Variants in MVB12B observed in about 807,000 individuals in gnomAD.
MVB12B encodes the protein multivesicular body subunit 12B.
MVB12B carries 16 observed loss-of-function variants against 41.6 expected under a neutral mutation model. The ratio of observed to expected loss-of-function variants is 0.38; its 90% confidence interval spans 0.26 to 0.58. The LOEUF is 0.58. MVB12B is among the 20% of genes least tolerant of loss of function. MVB12B has a pLI of 0.62. For missense variants in MVB12B, 274 were observed against 380.2 expected, an observed-to-expected ratio of 0.72 and a Z score of 2.32; for synonymous variants, 133 against 139.7, an observed-to-expected ratio of 0.95 and a Z score of 0.34.
rs1284102760 is a variant in MVB12B, at chr9:126,374,524, G to C, written c.205-6540G>C. Among the ~76,000 whole-genome samples the C allele has an allele frequency of 3.9e-5, 6 of 152,310 alleles. No individual in the cohort carries two copies. The East Asian group carries it at 9.7e-4, about 25-fold the overall frequency. ...AGCTAGAGAAAGCAATCAGAGACCTGGGCTATGTGAGACAGGGGTGGGGGC... is the reference window on the plus strand; with the variant it reads ...AGCTAGAGAAAGCAATCAGAGACCTCGGCTATGTGAGACAGGGGTGGGGGC... On this transcript the variant is annotated intron_variant, in intron 2 of 9. Transcript: ENST00000361171.
At chr9:126,359,487 T>C (rs1054108173) in intron 2 of MVB12B, among the ~76,000 whole-genome samples, 1 of 152,222 alleles carries the variant, frequency 6.6e-6, no homozygotes, top group Non-Finnish European at 1.5e-5. Context: ...TATTATTTAT[T>C]CTGTAAATAT....
chr9:126,491,451 C>T (rs369850859), intron 9 of MVB12B, among the ~76,000 whole-genome samples: 1 of 152,144 alleles, frequency 6.6e-6, no homozygotes, highest in East Asian at 1.9e-4. Flanking sequence ...CGAACTGGTG[C>T]AGCCTGAAAA....
chr9:126,500,387 C>T (rs1588216884), intron 9 of MVB12B, among the ~76,000 whole-genome samples: 2 of 152,148 alleles, frequency 1.3e-5, no homozygotes, highest in Admixed American at 1.3e-4. Flanking sequence ...CCCACCCCCT[C>T]CCCCAACCAG....
intron 9 of MVB12B, among the ~76,000 whole-genome samples, chr9:126,487,795 G>A (rs1833651758): frequency 6.6e-6 from 1 of 151,674 alleles, no homozygotes; most frequent in South Asian, 2.1e-4. Context: ...AACAAAACAG[G>A]TCTGTATTTG....
intron 9 of MVB12B, among the ~76,000 whole-genome samples, chr9:126,498,095 A>G (rs1833876269): frequency 6.6e-6 from 1 of 152,112 alleles, no homozygotes; most frequent in Non-Finnish European, 1.5e-5. Context: ...CTCCTCCCGC[A>G]GCGTTTCAGA....
At chr9:126,374,442 C>A (rs1457118117) in intron 2 of MVB12B, among the ~76,000 whole-genome samples, 1 of 152,228 alleles carries the variant, frequency 6.6e-6, no homozygotes, top group African/African-American at 2.4e-5. Context: ...GCTTCCTGAA[C>A]GCACATCATC....
intron 2 of MVB12B, among the ~76,000 whole-genome samples, chr9:126,365,765 T>C (rs1830162916): frequency 6.6e-6 from 1 of 152,206 alleles, no homozygotes; most frequent in African/African-American, 2.4e-5. Context: ...CATCAAACTT[T>C]AGAGATGGAG....
At chr9:126,354,059 G>C (rs1829819375) in intron 2 of MVB12B, among the ~76,000 whole-genome samples, 1 of 152,050 alleles carries the variant, frequency 6.6e-6, no homozygotes, top group South Asian at 2.1e-4. Context: ...AGCTCATTTT[G>C]CGAATGTGCA....
chr9:126,485,453 G>A (rs79111302), intron 9 of MVB12B, among the ~76,000 whole-genome samples: 1 of 56,144 alleles, frequency 1.8e-5, no homozygotes, highest in African/African-American at 8.2e-5. Context: ...TCAGGGTACC[G>A]TCCACTGTGC....
intron 6 of MVB12B, among the ~76,000 whole-genome samples, chr9:126,418,696 A>T (rs1181346874): frequency 1.3e-5 from 2 of 152,058 alleles, no homozygotes; most frequent in Non-Finnish European, 2.9e-5. Context: ...AGGCATGGCC[A>T]CCCTGGCTTC....
intron 2 of MVB12B, among the ~76,000 whole-genome samples, chr9:126,349,709 T>C (rs780714852): frequency 1.3e-5 from 2 of 152,230 alleles, no homozygotes; most frequent in Non-Finnish European, 2.9e-5. Context: ...TACTGATAAA[T>C]AGTATTCCAT....
At chr9:126,421,267 C>T (rs1358638601) in intron 6 of MVB12B, among the ~76,000 whole-genome samples, 2 of 152,196 alleles carry the variant, frequency 1.3e-5, no homozygotes, top group Non-Finnish European at 1.5e-5. Flanking sequence ...TTCCTGAGCA[C>T]CTACTGTGTG....
Position 126,376,990 on chromosome 9 carries a change from G to A in MVB12B, c.205-4074G>A, listed in dbSNP as rs1440050167. ...GTATCGGCTGCCACGGGCCCCTTAG[G>A]TCACAACCCGCCCCCTCCCCCACAC... is the stretch of plus-strand genomic sequence containing the variant. On this transcript the variant is annotated intron_variant, in intron 2 of 9. Coordinates refer to ENST00000361171, the MANE Select transcript of MVB12B (RefSeq NM_033446.3). The surrounding 1 kb of genome is among the most constrained non-coding windows in gnomAD (Gnocchi z 4.1). Among the ~76,000 whole-genome samples, 1 of 151,212 alleles carries A rather than the reference G, an allele frequency of 6.6e-6. No individual in the cohort carries two copies. The highest frequency in any genetic ancestry group is 2.4e-5 in the African/African-American group (1 of 41,074).
rs755405413 is a variant in MVB12B at position 126,420,939 on chromosome 9, T to C, written c.663-915T>C. 8.4e-4 allele frequency among the ~76,000 whole-genome samples: 128 copies of C among 152,226 alleles called. 2 individuals are homozygous for C. Among genetic ancestry groups the C allele is most frequent in the Non-Finnish European group, 3.4e-4 (23 of 68,042 alleles). ...TTGACCACTTACTTTATGTGATAAG[T>C]GTTCCCTCCAGCAGTCTCTTCCTTT... On this transcript the variant is annotated intron_variant, in intron 6 of 9. Coordinates refer to ENST00000361171, the MANE Select transcript of MVB12B (RefSeq NM_033446.3).
At chr9:126,351,319 C>T (rs1829740688) in intron 2 of MVB12B, among the ~76,000 whole-genome samples, 1 of 152,008 alleles carries the variant, frequency 6.6e-6, no homozygotes, top group Non-Finnish European at 1.5e-5. Flanking sequence ...GATTTTCCAC[C>T]TGGACAACAA....
rs35585049 is a variant in MVB12B at position 126,375,363 on chromosome 9, CTTTTT to C, written c.205-5686_205-5682del. On this transcript the variant is annotated intron_variant, in intron 2 of 9. Transcript: ENST00000361171. ...TGTCTTTTTAATTTTTAAATTGATT[CTTTTT>C]TTTTTTTTTTTTTTGTCAAATAGCC... Among the ~76,000 whole-genome samples, 26 of 105,210 alleles carry C rather than the reference CTTTTT, an allele frequency of 2.5e-4. 1 individual carries two copies. In the South Asian group the frequency reaches 6.5e-3, roughly 26 times the overall value. The allele number at this position is 105,210 out of a possible 152,430, so 69.0% of individuals were successfully genotyped here.
At position 126,470,798 on chromosome 9, in the gene MVB12B, G is replaced by A. The variant is rs535527510; in HGVS notation, c.758-10571G>A. ...AAACATTGCTTCCGTCCCACCAAAC[G>A]TCTTTGGATTGGGTCTCACAGCCCA... On this transcript the variant is annotated intron_variant, in intron 7 of 9. Transcript: ENST00000361171. Among the ~76,000 whole-genome samples the A allele has an allele frequency of 3.3e-5, 5 of 152,250 alleles. No homozygotes were observed. In the South Asian group the frequency reaches 8.3e-4, roughly 25 times the overall value.
intron 3 of MVB12B, among the ~76,000 whole-genome samples, chr9:126,383,525 A>G (rs753328431): frequency 6.6e-6 from 1 of 152,230 alleles, no homozygotes; most frequent in Admixed American, 6.5e-5. Context: ...GCTACCTTAA[A>G]TGCAAGGTTG....
At position 126,459,193 on chromosome 9, in the gene MVB12B, G is replaced by A. The variant is rs1053360147; in HGVS notation, c.758-22176G>A. 2.0e-5 allele frequency among the ~76,000 whole-genome samples: 3 copies of A among 152,204 alleles called. No homozygotes were observed. The highest frequency in any genetic ancestry group is 7.2e-5 in the African/African-American group (3 of 41,450). ...GTTACCTGGCTGTGCTTTGGCACTG[G>A]TATTTCTTGATGCCTTGTCGTAAAC... On this transcript the variant is annotated intron_variant, in intron 7 of 9. Coordinates refer to ENST00000361171, the MANE Select transcript of MVB12B (RefSeq NM_033446.3). This position sits in a 1 kb window ranked among gnomAD's most constrained non-coding sequence, Gnocchi z 4.3.
Sources: allele counts gnomAD v4.1 joint callset (sites outside exome capture counted in the v4.1 genomes callset), GRCh38; gene constraint gnomAD v4.1.1; non-coding constraint Gnocchi (gnomAD v3.1); transcripts MANE v1.5; gene names NCBI Gene and HGNC (gene_info 2026-07-23, HGNC 2026-07-21).